Variants in RHOBTB2 observed in about 807,000 individuals in gnomAD.
RHOBTB2 encodes the protein Rho related BTB domain containing 2, also known as rho-related BTB domain-containing protein 2.
RHOBTB2 carries 39 observed loss-of-function variants against 66.5 expected under a neutral mutation model. That is an observed-to-expected ratio of 0.59 (90% CI 0.45 to 0.77). RHOBTB2 has a LOEUF of 0.77. RHOBTB2 is among the 30% of genes least tolerant of loss of function. The pLI is 0.00. For missense variants in RHOBTB2, 755 were observed against 999.1 expected, an observed-to-expected ratio of 0.76 and a Z score of 3.29; for synonymous variants, 390 against 395.0, an observed-to-expected ratio of 0.99 and a Z score of 0.15.
At chr8:23,008,210 G>C (rs1811033405) in intron 6 of RHOBTB2, 99 bp downstream of exon 6, 1 of 818,920 alleles carries the variant, frequency 1.2e-6, no homozygotes, top group Non-Finnish European at 2.0e-6. Context: ...CACTGACTGT[G>C]TGCTAACCAC....
chr8:23,017,487 C>T lies in RHOBTB2; in HGVS notation c.*18C>T. 6.4e-7 allele frequency: 1 copy of T among 1,561,204 alleles called. No individual in the cohort carries two copies. The highest frequency in any genetic ancestry group is 8.7e-7 in the Non-Finnish European group (1 of 1,152,904). On this transcript the variant is annotated 3_prime_UTR_variant, in exon 10 of 10. Transcript: ENST00000251822. The surrounding 1 kb of genome is among the most constrained non-coding windows in gnomAD (Gnocchi z 5.3). Reference sequence around the variant, plus strand: ...TGGTCTGAGATGCTGCCACCCTCTTCTGACCCTGCTGCTGTTGTCCCCATC... The same window carrying T: ...TGGTCTGAGATGCTGCCACCCTCTTTTGACCCTGCTGCTGTTGTCCCCATC...
At chr8:23,015,956 C>T (rs528072542) in intron 9 of RHOBTB2, among the ~76,000 whole-genome samples, 1 of 152,356 alleles carries the variant, frequency 6.6e-6, no homozygotes, top group South Asian at 2.1e-4. Context: ...TTCTCATTCT[C>T]AGAGGTATGA....
intron 1 of RHOBTB2, among the ~76,000 whole-genome samples, chr8:23,001,473 C>A (rs764402266): frequency 1.3e-5 from 2 of 152,206 alleles, no homozygotes; most frequent in Non-Finnish European, 2.9e-5. Flanking sequence ...GGACAGGATC[C>A]TCCTTTAAGA....
intron 7 of RHOBTB2, among the ~76,000 whole-genome samples, chr8:23,014,478 T>C (rs1053100211): frequency 6.6e-6 from 1 of 152,212 alleles, no homozygotes; most frequent in African/African-American, 2.4e-5. Context: ...ATGTCCTCCT[T>C]CTCTTCCTAC....
chr8:22,973,990 T>C, the RHOBTB2 span, among the ~76,000 whole-genome samples: 3 of 152,096 alleles, frequency 2.0e-5, no homozygotes, highest in African/African-American at 7.2e-5. Context: ...ACCTGACCAC[T>C]TCCGGGGCTC....
upstream of RHOBTB2, among the ~76,000 whole-genome samples, chr8:22,983,336 T>TAAA (rs532894152): frequency 5.9e-5 from 8 of 134,552 alleles, no homozygotes; most frequent in African/African-American, 1.9e-4. Context: ...ACCATTTAGT[T>TAAA]AAAAAAAAAA....
upstream of RHOBTB2, among the ~76,000 whole-genome samples, chr8:22,998,739 A>G (rs1038147909): frequency 6.6e-6 from 1 of 151,594 alleles, no homozygotes; most frequent in Non-Finnish European, 1.5e-5. Flanking sequence ...AAAAAAAAAA[A>G]AAAAAAAGAT....
chr8:23,014,876 G>A, intron 8 of RHOBTB2, 98 bp downstream of exon 8: 1 of 955,286 alleles, frequency 1.0e-6, no homozygotes, highest in Middle Eastern at 2.1e-4. Context: ...GTCTATGCGG[G>A]AGAACCTGTC....
Position 23,007,417 on chromosome 8 carries a change from G to A in RHOBTB2, c.1172G>A (p.Arg391Gln), listed in dbSNP as rs1811002383. ...GRGRVLSSWS[R>Q]AFVSIQEEMA... ...GGTCGTGTGCTGTCTTCCTGGAGCC[G>A]AGCTTTTGTGAGCATCCAGGAAGAG... Residue 391 changes from arginine (R) to glutamine (Q), a missense_variant, in exon 5 of 10, where the codon CGA becomes CAA. Around this residue, in one of 7 missense-constraint regions of RHOBTB2, gnomAD observed 353 missense variants for 458.2 expected, o/e 0.77. Coordinates refer to ENST00000251822, the MANE Select transcript of RHOBTB2 (RefSeq NM_015178.3). 1.9e-6 allele frequency: 3 copies of A among 1,614,130 alleles called. No homozygotes were observed. Among genetic ancestry groups the A allele is most frequent in the South Asian group, 1.1e-5 (1 of 91,080 alleles).
Position 23,015,722 on chromosome 8 carries a change from G to C in RHOBTB2, c.1945G>C (p.Asp649His), listed in dbSNP as rs1188819408. Reference protein sequence around the residue: ...YNNVCRKFPRDMKAMSPENQE... With the variant: ...YNNVCRKFPRHMKAMSPENQE... ...CAACGTGTGCCGCAAGTTCCCCCGAGACATGAAGGCCATGTCCCCAGGTGA... is the reference window on the plus strand; with the variant it reads ...CAACGTGTGCCGCAAGTTCCCCCGACACATGAAGGCCATGTCCCCAGGTGA... The change falls in exon 9 of 10, where the codon GAC (aspartate) becomes CAC (histidine). Residue 649 changes from aspartate to histidine, a missense_variant. By Grantham distance (81) the Asp-to-His change is moderately conservative (BLOSUM62 -1). Transcript: ENST00000251822. 1 of 1,613,624 alleles carries C rather than the reference G, an allele frequency of 6.2e-7. No homozygotes were observed. The highest frequency in any genetic ancestry group is 8.5e-7 in the Non-Finnish European group (1 of 1,179,658).
upstream of RHOBTB2, chr8:22,999,433 T>C (rs892371235): frequency 8.7e-6 from 4 of 459,918 alleles, no homozygotes; most frequent in Non-Finnish European, 1.2e-5. Context: ...GCGCGGGCGG[T>C]GGGCGGGAGC....
the RHOBTB2 span, among the ~76,000 whole-genome samples, chr8:22,961,843 C>G: frequency 6.6e-6 from 1 of 151,728 alleles, no homozygotes; most frequent in Non-Finnish European, 1.5e-5. Context: ...CTGACAAATG[C>G]AAGTGAAAGA....
At chr8:22,988,090 T>C (rs1047062476) in intron 1 of RHOBTB2, among the ~76,000 whole-genome samples, 1 of 151,440 alleles carries the variant, frequency 6.6e-6, no homozygotes, top group African/African-American at 2.4e-5. Flanking sequence ...ATGCCCACTC[T>C]ATCTCCTGCC....
At chr8:22,992,878 G>C (rs1226145403) in intron 2 of RHOBTB2, among the ~76,000 whole-genome samples, 1 of 152,236 alleles carries the variant, frequency 6.6e-6, no homozygotes, top group Non-Finnish European at 1.5e-5. Flanking sequence ...GAGGACTGGG[G>C]GAATGGGCAC....
At chr8:23,011,218 C>T (rs913627831) in intron 7 of RHOBTB2, among the ~76,000 whole-genome samples, 1 of 152,206 alleles carries the variant, frequency 6.6e-6, no homozygotes, top group Non-Finnish European at 1.5e-5. Context: ...TGCACCACTG[C>T]ACTCCAGCCT....
chr8:23,006,988 C>G lies in RHOBTB2; in HGVS notation c.743C>G (p.Pro248Arg). ...PPPPIIVVPD[P>R]PSSSEECPAH... ...CCCCCGATCATCGTGGTGCCCGACC[C>G]TCCCTCCAGCAGCGAGGAGTGCCCC... The change falls in exon 5 of 10, where the codon CCT becomes CGT. Residue 248 changes from proline to arginine, a missense_variant. Pro to Arg is a moderately radical substitution (Grantham distance 103, BLOSUM62 -2). Coordinates refer to ENST00000251822, the MANE Select transcript of RHOBTB2 (RefSeq NM_015178.3). The surrounding 1 kb of genome is among the most constrained non-coding windows in gnomAD (Gnocchi z 6.1). 6.2e-7 allele frequency: 1 copy of G among 1,610,426 alleles called. No individual in the cohort carries two copies. Among genetic ancestry groups the G allele is most frequent in the Non-Finnish European group, 8.5e-7 (1 of 1,179,836 alleles).
upstream of RHOBTB2, among the ~76,000 whole-genome samples, chr8:22,998,766 G>C (rs1810652756): frequency 6.8e-6 from 1 of 146,834 alleles, no homozygotes; most frequent in East Asian, 2.0e-4. Context: ...GATAAAACCA[G>C]CCTTGAATAT....
At chr8:22,963,224 G>A in the RHOBTB2 span, among the ~76,000 whole-genome samples, 2 of 152,150 alleles carry the variant, frequency 1.3e-5, no homozygotes, top group African/African-American at 4.8e-5. Context: ...AGGGGAAAGG[G>A]AGACAACTGA....
In RHOBTB2 at chr8:23,005,168, G is replaced by T. The variant is rs149400635; in HGVS notation, c.193-204G>T. Reference sequence around the variant, plus strand: ...GGTCTCTTCCACTCCTGGTCAGCTTGGAGGCCACCCTTGTTATAGATTCTA... The same window carrying T: ...GGTCTCTTCCACTCCTGGTCAGCTTTGAGGCCACCCTTGTTATAGATTCTA... On this transcript the variant is annotated intron_variant, in intron 2 of 9. Transcript: ENST00000251822. Among the ~76,000 whole-genome samples the T allele has an allele frequency of 3.7e-4, 56 of 152,276 alleles. No individual in the cohort carries two copies. In the East Asian group the frequency reaches 0.011, roughly 29 times the overall value.
Sources: allele counts gnomAD v4.1 joint callset (sites outside exome capture counted in the v4.1 genomes callset), GRCh38; gene constraint gnomAD v4.1.1; regional missense constraint gnomAD v4.1.1; non-coding constraint Gnocchi (gnomAD v3.1); transcripts MANE v1.5; gene names NCBI Gene and HGNC (gene_info 2026-07-23, HGNC 2026-07-21).